SYNE1: variants seen among roughly 807,000 people sequenced by gnomAD.
SYNE1 encodes spectrin repeat containing nuclear envelope protein 1.
A neutral mutation model predicts 1,111.0 loss-of-function variants in SYNE1; 616 were observed. The observed-to-expected ratio is 0.55, with a 90% CI of 0.52 to 0.59. The LOEUF (loss-of-function observed/expected upper bound fraction) is 0.59, where lower values mean the gene tolerates loss of function less well. Ranked by LOEUF, SYNE1 falls within the 20% of genes least tolerant of loss-of-function variation. The pLI is 0.00. For synonymous variants in SYNE1, 3,855 were observed against 3,825.8 expected, an observed-to-expected ratio of 1.01 and a Z score of -0.28; for missense variants, 10,006 against 10,417.0, an observed-to-expected ratio of 0.96 and a Z score of 1.72.
chr6:152,419,189 A>C (rs1288221499), intron 40 of SYNE1, among the ~76,000 whole-genome samples: 1 of 152,202 alleles, frequency 6.6e-6, no homozygotes, highest in Non-Finnish European at 1.5e-5. Context: ...AATCATTTTA[A>C]AGCTGAATAG....
chr6:152,351,614 T>C (rs1467842538), intron 70 of SYNE1, among the ~76,000 whole-genome samples: 1 of 152,192 alleles, frequency 6.6e-6, no homozygotes, highest in East Asian at 1.9e-4. Flanking sequence ...ATATGATATG[T>C]CATTTTCAAT....
chr6:152,358,203 G>A (rs902845940), intron 66 of SYNE1, among the ~76,000 whole-genome samples, 170 bp downstream of exon 66: 19 of 152,164 alleles, frequency 1.2e-4, no homozygotes, highest in South Asian at 2.1e-4. Flanking sequence ...GTCAACTAGC[G>A]CATACTGCTG....
intron 77 of SYNE1, 121 bp from the exon 78 acceptor site, chr6:152,332,011 C>T (rs2153975827): frequency 6.9e-7 from 1 of 1,444,396 alleles, no homozygotes; most frequent in Non-Finnish European, 9.5e-7. Flanking sequence ...GCTCTTGTTT[C>T]CCAGGCTGGA....
intron 121 of SYNE1, among the ~76,000 whole-genome samples, chr6:152,217,076 A>AT (rs2078903840): frequency 6.9e-6 from 1 of 145,704 alleles, no homozygotes; most frequent in African/African-American, 2.6e-5. Context: ...AAAAAAAAAA[A>AT]TTCACAACTA....
chr6:152,629,153 G>A (rs1312466021), intron 2 of SYNE1, among the ~76,000 whole-genome samples: 1 of 152,086 alleles, frequency 6.6e-6, no homozygotes, highest in Non-Finnish European at 1.5e-5. Context: ...TAAGGCTAGG[G>A]TGGGGTGGGT....
chr6:152,593,885 T>C (rs2099573644), intron 3 of SYNE1, among the ~76,000 whole-genome samples: 1 of 152,132 alleles, frequency 6.6e-6, no homozygotes, highest in Admixed American at 6.6e-5. Flanking sequence ...TCGCAGCATG[T>C]TAGTAACATG....
intron 4 of SYNE1, among the ~76,000 whole-genome samples, chr6:152,536,375 GT>G (rs1420141854): frequency 8.3e-6 from 1 of 121,146 alleles, no homozygotes; most frequent in Non-Finnish European, 1.7e-5. Flanking sequence ...TATATATATA[GT>G]AATATATATA....
intron 97 of SYNE1, among the ~76,000 whole-genome samples, chr6:152,280,157 T>C: frequency 6.6e-6 from 1 of 152,242 alleles, no homozygotes; most frequent in Non-Finnish European, 1.5e-5. Flanking sequence ...GTCACCGTTA[T>C]AATTAGTGTG....
At chr6:152,525,894 A>G (rs113494348) in intron 5 of SYNE1, among the ~76,000 whole-genome samples, 186 bp downstream of exon 5, 3 of 152,200 alleles carry the variant, frequency 2.0e-5, no homozygotes, top group African/African-American at 7.2e-5. Context: ...GTTTGCAGGA[A>G]CAAGAAGGGA....
chr6:152,335,407 A>G (rs2096362518), intron 76 of SYNE1: 1 of 152,188 alleles, frequency 6.6e-6, no homozygotes, highest in African/African-American at 2.4e-5. Flanking sequence ...ACATTTCTGT[A>G]TTTTCTAAGC....
At chr6:152,400,532 G>A (rs955000161) in intron 47 of SYNE1, among the ~76,000 whole-genome samples, 6 of 152,012 alleles carry the variant, frequency 3.9e-5, no homozygotes, top group African/African-American at 1.5e-4. Flanking sequence ...GCATGGTGGT[G>A]GGTGCCTGTA....
intron 3 of SYNE1, among the ~76,000 whole-genome samples, chr6:152,622,828 T>C (rs2099678511): frequency 6.6e-6 from 1 of 152,202 alleles, no homozygotes; most frequent in East Asian, 1.9e-4. Flanking sequence ...TTTAGGTCTT[T>C]GGGGAATCAC....
chr6:152,558,040 T>C (rs767244569), intron 3 of SYNE1, among the ~76,000 whole-genome samples: 3 of 152,116 alleles, frequency 2.0e-5, no homozygotes, highest in Non-Finnish European at 4.4e-5. Context: ...AAGATGTAAA[T>C]TGTGACATTA....
chr6:152,307,329 A>AT (rs1381176572), intron 91 of SYNE1, among the ~76,000 whole-genome samples: 39 of 152,218 alleles, frequency 2.6e-4, no homozygotes, highest in African/African-American at 9.1e-4. Context: ...AGAGGGTGAG[A>AT]TTTTTCATCC....
Position 152,533,210 on chromosome 6 carries a change from C to G in SYNE1, c.129+6750G>C, listed in dbSNP as rs866153890. 2.3e-4 allele frequency among the ~76,000 whole-genome samples: 35 copies of G among 152,014 alleles called. 1 individual carries two copies. The highest frequency in any genetic ancestry group is 7.2e-4 in the African/African-American group (30 of 41,464). ...GTAACAGCACTGTTGTGATCATTTT[C>G]CACTTCTGCTTGGCAAAGGTGGGAA... is the stretch of plus-strand genomic sequence containing the variant. On this transcript the variant is annotated intron_variant, in intron 4 of 145. Transcript: ENST00000367255.
chr6:152,390,242 C>T (rs747181991), intron 53 of SYNE1, 38 bp downstream of exon 53: 11 of 1,607,390 alleles, frequency 6.8e-6, no homozygotes, highest in South Asian at 6.6e-5. Context: ...TAAGTCACTG[C>T]ATTGGACTTA....
intron 139 of SYNE1, among the ~76,000 whole-genome samples, 190 bp downstream of exon 139, chr6:152,141,013 C>T (rs1427510234): frequency 2.7e-5 from 4 of 150,504 alleles, no homozygotes; most frequent in Non-Finnish European, 4.4e-5. Flanking sequence ...CCAGCCTGGG[C>T]GACAGAGCGC....
In SYNE1 at chr6:152,339,461, A is replaced by G. The variant is rs1318383423; in HGVS notation, c.12226-95T>C. ...GGAATATTCTGTTGACATTTCAAAA[A>G]TAGTCTTGCTATGCTCAGTGTTTTC... On this transcript the variant is annotated intron_variant, in intron 74 of 145. Transcript: ENST00000367255. 3 of 1,538,852 alleles carry G rather than the reference A, an allele frequency of 1.9e-6. No individual in the cohort carries two copies. The African/African-American group carries it at 4.1e-5, about 21-fold the overall frequency.
chr6:152,123,615 A>T (rs1424288812), intron 145 of SYNE1, among the ~76,000 whole-genome samples: 5 of 152,188 alleles, frequency 3.3e-5, no homozygotes, highest in African/African-American at 1.2e-4. Context: ...TTTTTTGGTT[A>T]CTAGCAGAAA....
Sources: allele counts gnomAD v4.1 joint callset (sites outside exome capture counted in the v4.1 genomes callset), GRCh38; gene constraint gnomAD v4.1.1; transcripts MANE v1.5; gene names NCBI Gene and HGNC (gene_info 2026-07-23, HGNC 2026-07-21).